Variants in NDRG1 observed in about 807,000 individuals in gnomAD.
The protein encoded by NDRG1 is N-myc downstream regulated 1.
NDRG1 carries 32 observed loss-of-function variants against 56.9 expected under a neutral mutation model. The ratio of observed to expected loss-of-function variants is 0.56; its 90% CI spans 0.42 to 0.76. The LOEUF is 0.76. Among genes scored for constraint, NDRG1 ranks in the 30% least tolerant of loss-of-function variants. The probability of loss-of-function intolerance (pLI) is 0.00; values close to 1 mark genes in which losing one functional copy is unlikely to be tolerated. For synonymous variants in NDRG1, 211 were observed against 204.1 expected (o/e 1.03, Z -0.29); for missense variants, 507 against 545.7 (o/e 0.93, Z 0.71).
intron 9 of NDRG1, among the ~76,000 whole-genome samples, chr8:133,251,637 G>T (rs1805232744): frequency 6.6e-6 from 1 of 152,142 alleles, no homozygotes. Context: ...TACACACTCA[G>T]GACAGGGAAA....
chr8:133,253,897 T>C (rs1160126312), intron 9 of NDRG1, among the ~76,000 whole-genome samples: 4 of 151,156 alleles, frequency 2.6e-5, no homozygotes, highest in African/African-American at 9.7e-5. Flanking sequence ...AGACAAGGTG[T>C]CACTATGTTG....
At chr8:133,247,185 A>G (rs951088471) in intron 12 of NDRG1, among the ~76,000 whole-genome samples, 2 of 152,054 alleles carry the variant, frequency 1.3e-5, no homozygotes, top group African/African-American at 2.4e-5. Flanking sequence ...TAAAACTATC[A>G]CCTCCCTTGA....
intron 3 of NDRG1, among the ~76,000 whole-genome samples, chr8:133,268,915 C>G (rs995211435): frequency 4.6e-5 from 7 of 152,116 alleles, no homozygotes; most frequent in South Asian, 2.1e-4. Context: ...AACAAACACA[C>G]GTGCACGCAC....
intron 3 of NDRG1, among the ~76,000 whole-genome samples, chr8:133,271,196 C>T (rs745445271): frequency 6.6e-6 from 1 of 152,182 alleles, no homozygotes; most frequent in Non-Finnish European, 1.5e-5. Flanking sequence ...CACCGCATAC[C>T]CAGGATCTAA....
intron 8 of NDRG1, chr8:133,255,361 A>G (rs1856312241): frequency 2.2e-6 from 1 of 456,214 alleles, no homozygotes; most frequent in Non-Finnish European, 4.4e-6. Flanking sequence ...GTAACTGCAC[A>G]CATCACAGTA....
chr8:133,240,235 A>G (rs1449367458), intron 15 of NDRG1: 1 of 152,182 alleles, frequency 6.6e-6, no homozygotes, highest in Non-Finnish European at 1.5e-5. Context: ...TTAGGAAACT[A>G]GTACTCCACC....
chr8:133,248,834 A>G, intron 10 of NDRG1, 63 bp from the exon 11 acceptor site: 3 of 1,593,668 alleles, frequency 1.9e-6, no homozygotes, highest in Non-Finnish European at 2.6e-6. Context: ...TCCCACTCCC[A>G]TCCAGCCAAG....
Position 133,262,110 on chromosome 8 carries a change from T to A in NDRG1, c.263A>T (p.His88Leu), listed in dbSNP as rs1563626826. 6.2e-7 allele frequency: 1 copy of A among 1,614,116 alleles called. No homozygotes were observed. The highest frequency in any genetic ancestry group is 1.1e-5 in the South Asian group (1 of 91,076). ...GGCGTCCACGTGGCAGACGGCAAAG[T>A]GCTGGGTGATCTCCTGCATGTCCTC... ...NYEDMQEITQ[H>L]FAVCHVDAPG... is the part of the protein sequence containing the mutation. The change falls in exon 5 of 16, where the codon CAC becomes CTC. Residue 88 changes from histidine to leucine, a missense_variant. Physicochemically the swap from His to Leu is moderately conservative, Grantham distance 99. Coordinates refer to ENST00000323851, the MANE Select transcript of NDRG1 (RefSeq NM_006096.4).
intron 3 of NDRG1, among the ~76,000 whole-genome samples, chr8:133,279,605 T>C (rs1342393867): frequency 6.6e-6 from 1 of 152,194 alleles, no homozygotes; most frequent in African/African-American, 2.4e-5. Context: ...AAGCTCGCCA[T>C]ATGCTCAGGC....
At chr8:133,291,502 G>A (rs990435125) in intron 1 of NDRG1, among the ~76,000 whole-genome samples, 1 of 152,156 alleles carries the variant, frequency 6.6e-6, no homozygotes, top group African/African-American at 2.4e-5. Context: ...TGGCCCTTCT[G>A]AAACTCAAGG....
At chr8:133,240,567 G>A (rs1219422834) in intron 15 of NDRG1, 1 of 152,144 alleles carries the variant, frequency 6.6e-6, no homozygotes, top group Non-Finnish European at 1.5e-5. Flanking sequence ...GTGTGCAAAG[G>A]GTTCATCAAG....
chr8:133,285,653 G>A (rs531041422), intron 1 of NDRG1, among the ~76,000 whole-genome samples: 17 of 152,326 alleles, frequency 1.1e-4, no homozygotes, highest in East Asian at 3.9e-4. Flanking sequence ...ATGGCATTCC[G>A]TGGGCAGATC....
In NDRG1 at chr8:133,238,438, G is replaced by A. The variant is rs974504355; in HGVS notation, c.*440C>T. On this transcript the variant is annotated 3_prime_UTR_variant, in exon 16 of 16. Transcript: ENST00000323851. ...CAAATGAGAAAAGGATTTTGTTTCC[G>A]GAAACTGGATCAGCTTCTCCTCAGT... 2.8e-5 allele frequency: 7 copies of A among 253,820 alleles called. No individual in the cohort carries two copies. The highest frequency in any genetic ancestry group is 5.2e-5 in the Admixed American group (1 of 19,384). 15.7% of individuals were successfully genotyped at this position (253,820 alleles called of 1,614,324 possible).
intron 9 of NDRG1, among the ~76,000 whole-genome samples, chr8:133,253,289 T>C (rs1856174735): frequency 6.6e-6 from 1 of 152,192 alleles, no homozygotes; most frequent in Non-Finnish European, 1.5e-5. Flanking sequence ...GAGCAGCTCA[T>C]CTCAGAGCCA....
Position 133,250,509 on chromosome 8 carries a change from G to A in NDRG1, c.629C>T (p.Thr210Ile), listed in dbSNP as rs1855955431. Reference sequence around the variant, plus strand: ...GTCATTCACAATGTGCTGGCGGTAGGTGTGGACCACTTCCACGTTACTCTG... The same window carrying A: ...GTCATTCACAATGTGCTGGCGGTAGATGTGGACCACTTCCACGTTACTCTG... ...EMQSNVEVVH[T>I]YRQHIVNDMN... The change falls in exon 10 of 16, where the codon ACC becomes ATC. Residue 210 changes from threonine to isoleucine, a missense_variant. Thr to Ile is a moderately conservative substitution (Grantham distance 89). Transcript: ENST00000323851. 6.2e-7 allele frequency: 1 copy of A among 1,613,938 alleles called. No homozygotes were observed. The highest frequency in any genetic ancestry group is 1.3e-5 in the African/African-American group (1 of 74,850).
At chr8:133,259,485 G>A in intron 5 of NDRG1, 2 of 544,054 alleles carry the variant, frequency 3.7e-6, no homozygotes. Flanking sequence ...AACTCTAGGA[G>A]GCTGCTAGGA....
At chr8:133,291,755 A>G (rs1393559744) in intron 1 of NDRG1, among the ~76,000 whole-genome samples, 3 of 152,222 alleles carry the variant, frequency 2.0e-5, no homozygotes, top group African/African-American at 7.2e-5. Context: ...AGGAGGCATC[A>G]GTGATGTTTG....
chr8:133,248,316 G>A (rs1390122892), intron 11 of NDRG1, among the ~76,000 whole-genome samples: 1 of 152,178 alleles, frequency 6.6e-6, no homozygotes, highest in East Asian at 1.9e-4. Flanking sequence ...ATCATTACTG[G>A]TGGAAACCCA....
chr8:133,275,624 C>A (rs1159871112), intron 3 of NDRG1, among the ~76,000 whole-genome samples: 2 of 152,212 alleles, frequency 1.3e-5, no homozygotes, highest in Non-Finnish European at 2.9e-5. Flanking sequence ...CCATATCACC[C>A]TTCACTGTTA....
Sources: allele counts gnomAD v4.1 joint callset (sites outside exome capture counted in the v4.1 genomes callset), GRCh38; gene constraint gnomAD v4.1.1; transcripts MANE v1.5; gene names NCBI Gene and HGNC (gene_info 2026-07-23, HGNC 2026-07-21).